The following ENKUR variants were observed in gnomAD, a reference collection of about 807,000 sequenced individuals.
The protein encoded by ENKUR is enkurin, TRPC channel interacting protein, also known as enkurin.
A neutral mutation model predicts 27.6 loss-of-function variants in ENKUR; 19 were observed. The ratio of observed to expected loss-of-function variants is 0.69; its 90% confidence interval spans 0.48 to 1.01. The LOEUF (loss-of-function observed/expected upper bound fraction) is 1.01, where lower values mean the gene tolerates loss of function less well. ENKUR is among the 50% of genes least tolerant of loss of function. The probability of loss-of-function intolerance (pLI) is 0.00; values close to 1 mark genes in which losing one functional copy is unlikely to be tolerated. For missense variants in ENKUR, 312 were observed against 310.5 expected, an observed-to-expected ratio of 1.00 and a Z score of -0.04; for synonymous variants, 117 against 96.9, an observed-to-expected ratio of 1.21 and a Z score of -1.22.
chr10:25,052,910 C>T (rs971119815), intron 2 of ENKUR, among the ~76,000 whole-genome samples: 1 of 152,004 alleles, frequency 6.6e-6, no homozygotes, highest in Admixed American at 6.6e-5. Context: ...GCTAGGATTA[C>T]AGGCATGCGC....
chr10:24,983,456 T>A lies in ENKUR; in HGVS notation c.*914A>T, dbSNP rs1849713851. 6.6e-6 allele frequency: 1 copy of A among 152,194 alleles called. No homozygotes were observed. The allele number at this position is 152,194 out of a possible 1,614,324, so 9.4% of individuals were successfully genotyped here. On this transcript the variant is annotated 3_prime_UTR_variant, in exon 6 of 6. Coordinates refer to ENST00000331161, the MANE Select transcript of ENKUR (RefSeq NM_145010.4). ...ATATGTGTTTACGTAATTATACATT[T>A]TGGAGTGTACTGTCACAGCTGTTAG...
intron 1 of ENKUR, among the ~76,000 whole-genome samples, chr10:25,013,828 G>C (rs1850504898): frequency 6.6e-6 from 1 of 152,114 alleles, no homozygotes; most frequent in Non-Finnish European, 1.5e-5. Flanking sequence ...TGTAATCCCA[G>C]CTACTCGGGA....
chr10:24,984,564 T>C (rs1027994976), intron 5 of ENKUR, 172 bp downstream of exon 5: 25 of 1,035,468 alleles, frequency 2.4e-5, no homozygotes, highest in Non-Finnish European at 3.4e-5. Flanking sequence ...AAATTTCTTC[T>C]TGTGTAAGTG....
intron 2 of ENKUR, among the ~76,000 whole-genome samples, chr10:25,038,765 C>T (rs535663381): frequency 9.2e-5 from 14 of 152,144 alleles, no homozygotes; most frequent in African/African-American, 3.1e-4. Context: ...GCACCTGAAC[C>T]GAATGGGAGA....
chr10:25,020,238 A>ATATATCTATATTTATATCTATATC (rs1554772120), upstream of ENKUR, among the ~76,000 whole-genome samples: 1 of 126,564 alleles, frequency 7.9e-6, no homozygotes, highest in African/African-American at 2.6e-5. Context: ...TTTCTTTAAA[A>ATATATCTATATTTATATCTATATC]TATATCTATA....
chr10:25,023,297 C>A (rs770319378), intron 2 of ENKUR: 1 of 1,613,938 alleles, frequency 6.2e-7, no homozygotes, highest in African/African-American at 1.3e-5. Flanking sequence ...CATGTTAAAA[C>A]GGATAAACAT....
intron 2 of ENKUR, among the ~76,000 whole-genome samples, chr10:25,057,411 AC>A (rs1851273311): frequency 3.3e-5 from 5 of 149,990 alleles, no homozygotes; most frequent in Admixed American, 2.7e-4. Context: ...ACACACACAC[AC>A]ACACACACAC....
At chr10:25,026,816 A>G (rs1193394429) in intron 2 of ENKUR, among the ~76,000 whole-genome samples, 1 of 152,218 alleles carries the variant, frequency 6.6e-6, no homozygotes, top group Non-Finnish European at 1.5e-5. Flanking sequence ...AATAAGCAAG[A>G]GAAATTTGTT....
upstream of ENKUR, among the ~76,000 whole-genome samples, chr10:25,017,455 A>T (rs1426228063): frequency 6.6e-6 from 1 of 152,070 alleles, no homozygotes; most frequent in Non-Finnish European, 1.5e-5. Flanking sequence ...GAGAAAACAC[A>T]CTTGAGTCTG....
rs1564358726 is a variant in ENKUR at position 25,054,517 on chromosome 10, T to TCTTTC, written c.37+6590_37+6594dup. On this transcript the variant is annotated intron_variant, in intron 2 of 5. Transcript: ENST00000615958. The stretch of plus-strand genomic sequence containing the variant: ...TCTTTCTTTCTTTCTTTCTTTCCTT[T>TCTTTC]CTTTCTTTCTTTCCTTTCTTTCTTT... 5.8e-3 allele frequency among the ~76,000 whole-genome samples: 653 copies of TCTTTC among 112,922 alleles called. 2 individuals are homozygous for TCTTTC. Among genetic ancestry groups the TCTTTC allele is most frequent in the Non-Finnish European group, 9.0e-3 (460 of 50,920 alleles). The allele number at this position is 112,922 out of a possible 152,430, so 74.1% of individuals were successfully genotyped here.
chr10:24,992,753 C>T (rs1003733971), intron 3 of ENKUR, among the ~76,000 whole-genome samples: 2 of 152,146 alleles, frequency 1.3e-5, no homozygotes, highest in African/African-American at 4.8e-5. Flanking sequence ...GTAACTTAAC[C>T]CATCCTGACT....
At chr10:25,010,054 C>T (rs1286606745) in intron 1 of ENKUR, among the ~76,000 whole-genome samples, 9 of 152,064 alleles carry the variant, frequency 5.9e-5, no homozygotes, top group African/African-American at 2.2e-4. Flanking sequence ...GGGTAACAGG[C>T]AGAGGTTGGA....
At chr10:25,020,725 T>C (rs1039376585), upstream of ENKUR, among the ~76,000 whole-genome samples, 4 of 144,392 alleles carry the variant, frequency 2.8e-5, no homozygotes, top group East Asian at 6.4e-4. Flanking sequence ...TGGGTGACAG[T>C]GGAAGACCCT....
chr10:24,988,250 A>C (rs554982686), intron 4 of ENKUR, among the ~76,000 whole-genome samples: 1 of 140,292 alleles, frequency 7.1e-6, no homozygotes, highest in South Asian at 2.1e-4. Context: ...ATATATATAT[A>C]TGTGTATATA....
At chr10:25,017,646 G>C (rs1447335287), upstream of ENKUR, among the ~76,000 whole-genome samples, 1 of 144,176 alleles carries the variant, frequency 6.9e-6, no homozygotes, top group African/African-American at 2.6e-5. Flanking sequence ...GTATACAGTT[G>C]ATTTTAATTT....
In ENKUR at chr10:24,998,357, TCCTCTCTC is replaced by T. The variant is rs1218045994; in HGVS notation, c.223+1036_223+1043del. ...TCCCTCTCTCCCTCCCTTCCTTCCT[TCCTCTCTC>T]TCTCTCTCTCTCTCTCTTTCTTTTT... On this transcript the variant is annotated intron_variant, in intron 2 of 5. Transcript: ENST00000331161. Among the ~76,000 whole-genome samples the T allele has an allele frequency of 9.2e-5, 8 of 87,426 alleles. 1 individual carries two copies. The Admixed American group carries it at 1.0e-3, about 11-fold the overall frequency. The allele number at this position is 87,426 out of a possible 152,430, so 57.4% of individuals were successfully genotyped here.
chr10:25,061,236 C>T, exon 2 of ENKUR: 1 of 1,215,730 alleles, frequency 8.2e-7, no homozygotes, highest in Non-Finnish European at 1.2e-6. Context: ...CCCTGGTTTG[C>T]AGCTATATGG....
chr10:25,038,570 A>G (rs1041087501), intron 2 of ENKUR, among the ~76,000 whole-genome samples: 1 of 152,214 alleles, frequency 6.6e-6, no homozygotes, highest in Admixed American at 6.5e-5. Flanking sequence ...GTTTTAAAGG[A>G]TACATCATAT....
intron 2 of ENKUR, among the ~76,000 whole-genome samples, chr10:25,041,785 A>G: frequency 6.6e-6 from 1 of 151,900 alleles, no homozygotes; most frequent in East Asian, 1.9e-4. Flanking sequence ...GTCTGCTGAG[A>G]TTTTCCATTT....
Sources: gnomAD v4.1 joint callset for allele counts (sites outside exome capture counted in the v4.1 genomes callset) on GRCh38, gnomAD v4.1.1 for gene constraint, MANE v1.5 for transcripts, NCBI Gene and HGNC (gene_info 2026-07-23, HGNC 2026-07-21) for gene names.